EGFR: variants seen among roughly 807,000 people sequenced by gnomAD.
The protein encoded by EGFR is avian erythroblastic leukemia viral (v-erb-b) oncogene homolog.
Under a neutral mutation model 143.0 loss-of-function variants are expected in EGFR, and 58 were observed. The ratio of observed to expected loss-of-function variants is 0.41; its 90% CI spans 0.33 to 0.50. The LOEUF is 0.50. EGFR is among the 20% of genes least tolerant of loss of function. The probability of loss-of-function intolerance (pLI) is 0.39; values close to 1 mark genes in which losing one functional copy is unlikely to be tolerated. For missense variants in EGFR, 1,307 were observed against 1,579.0 expected, an observed-to-expected ratio of 0.83 and a Z score of 2.92; for synonymous variants, 613 against 594.4, an observed-to-expected ratio of 1.03 and a Z score of -0.45.
In EGFR at chr7:55,195,345, C is replaced by T. The variant is rs866686571; in HGVS notation, c.2701+2504C>T. 2.0e-5 allele frequency among the ~76,000 whole-genome samples: 3 copies of T among 152,156 alleles called. No homozygotes were observed. In the South Asian group the frequency reaches 6.2e-4, roughly 32 times the overall value. ...CTCTGTTACCCAGAGATGGGAGGGC[C>T]ATCAGAACTCGGGGTTGTCTGAAAA... On this transcript the variant is annotated intron_variant, in intron 22 of 27. Transcript: ENST00000275493.
intron 1 of EGFR, among the ~76,000 whole-genome samples, chr7:55,093,678 A>G (rs1791270082): frequency 6.6e-6 from 1 of 152,228 alleles, no homozygotes; most frequent in African/African-American, 2.4e-5. Context: ...TGAAAACTGC[A>G]CTTAGACTCA....
chr7:55,160,069 A>G, intron 11 of EGFR, 70 bp from the exon 12 acceptor site: 1 of 1,564,362 alleles, frequency 6.4e-7, no homozygotes, highest in Non-Finnish European at 8.8e-7. Context: ...TGGTCTGGAG[A>G]AACAAAGTTT....
chr7:55,181,192 C>A (rs1322083520), intron 19 of EGFR, 101 bp from the exon 20 acceptor site: 1 of 1,395,206 alleles, frequency 7.2e-7, no homozygotes, highest in Non-Finnish European at 1.0e-6. Context: ...TATTTTGAAA[C>A]TCAAGATCGC....
chr7:55,063,822 C>T (rs760633337), intron 1 of EGFR, among the ~76,000 whole-genome samples: 5 of 152,180 alleles, frequency 3.3e-5, no homozygotes, highest in South Asian at 2.1e-4. Context: ...GCTTGAGGAC[C>T]GTCCTGGAGG....
At position 55,171,816 on chromosome 7, in the gene EGFR, T is replaced by C. The variant is rs532320503; in HGVS notation, c.1919+603T>C. Among the ~76,000 whole-genome samples the C allele has an allele frequency of 5.3e-5, 8 of 152,292 alleles. No homozygotes were observed. The East Asian group carries it at 5.8e-4, about 11-fold the overall frequency. On this transcript the variant is annotated intron_variant, in intron 16 of 27. Transcript: ENST00000275493. Reference sequence around the variant, plus strand: ...TGGCGTCTAGCCAGGAATCATGGAATTATACACCGAGCACCTGTTTGCCAT... The same window carrying C: ...TGGCGTCTAGCCAGGAATCATGGAACTATACACCGAGCACCTGTTTGCCAT...
Position 55,167,097 on chromosome 7 carries a change from G to C in EGFR, c.1880+1660G>C, listed in dbSNP as rs1270635793. On this transcript the variant is annotated intron_variant, in intron 15 of 27. Transcript: ENST00000275493. ...TTGATGGTGGTGATGATGATGAGGAGGTGGGAGTCACAATGGTGTCAGTGT... is the reference window on the plus strand; with the variant it reads ...TTGATGGTGGTGATGATGATGAGGACGTGGGAGTCACAATGGTGTCAGTGT... 4.2e-4 allele frequency among the ~76,000 whole-genome samples: 59 copies of C among 140,564 alleles called. 5 individuals are homozygous for C. Among genetic ancestry groups the C allele is most frequent in the African/African-American group, 1.0e-3 (37 of 36,274 alleles). The allele number at this position is 140,564 out of a possible 152,430, so 92.2% of individuals were successfully genotyped here.
At position 55,113,791 on chromosome 7, in the gene EGFR, G is replaced by T. The variant is rs557817306; in HGVS notation, c.89-28495G>T. ...TGATAAGAAGCAGGGCTGTGTTTGGGCTCTGGGAGTTTTTGATATGGTTTC... is the reference window on the plus strand; with the variant it reads ...TGATAAGAAGCAGGGCTGTGTTTGGTCTCTGGGAGTTTTTGATATGGTTTC... On this transcript the variant is annotated intron_variant, in intron 1 of 27. Coordinates refer to ENST00000275493, the MANE Select transcript of EGFR (RefSeq NM_005228.5). Among the ~76,000 whole-genome samples, 4 of 152,284 alleles carry T rather than the reference G, an allele frequency of 2.6e-5. No homozygotes were observed. In the South Asian group the frequency reaches 8.3e-4, roughly 32 times the overall value.
chr7:55,052,216 G>A (rs967762949), intron 1 of EGFR, among the ~76,000 whole-genome samples: 3 of 152,200 alleles, frequency 2.0e-5, no homozygotes, highest in Admixed American at 6.5e-5. Context: ...GGAGACTCAT[G>A]TAAAAGGCAC....
intron 1 of EGFR, among the ~76,000 whole-genome samples, chr7:55,060,550 T>G (rs1235950511): frequency 6.6e-6 from 1 of 152,196 alleles, no homozygotes; most frequent in Non-Finnish European, 1.5e-5. Flanking sequence ...GAATCTAGAC[T>G]ATTTCATGAA....
intron 1 of EGFR, chr7:55,109,914 C>A: frequency 1.0e-6 from 1 of 985,474 alleles, no homozygotes; most frequent in Non-Finnish European, 1.2e-6. Context: ...GGGTTCCCTC[C>A]GGCAGGCGAC....
chr7:55,049,544 G>C (rs1788364274), intron 1 of EGFR, among the ~76,000 whole-genome samples: 1 of 152,052 alleles, frequency 6.6e-6, no homozygotes, highest in East Asian at 1.9e-4. Context: ...GACAGTTGGG[G>C]ATTAGGTGTT....
At chr7:55,043,614 T>G (rs895723365) in intron 1 of EGFR, among the ~76,000 whole-genome samples, 1 of 151,828 alleles carries the variant, frequency 6.6e-6, no homozygotes, top group Non-Finnish European at 1.5e-5. Flanking sequence ...CGCCCCCTTC[T>G]TGGCCTCCCA....
intron 22 of EGFR, among the ~76,000 whole-genome samples, chr7:55,193,220 C>T (rs1316252738): frequency 2.6e-5 from 4 of 152,082 alleles, no homozygotes; most frequent in African/African-American, 4.8e-5. Context: ...GGAATAGTTC[C>T]GGTAGAGAAA....
At chr7:55,043,510 C>A (rs1410770776) in intron 1 of EGFR, among the ~76,000 whole-genome samples, 2 of 152,074 alleles carry the variant, frequency 1.3e-5, no homozygotes, top group African/African-American at 4.8e-5. Flanking sequence ...TACAGGTGTG[C>A]ACCACTACAC....
At chr7:55,127,167 G>T (rs1793576059) in intron 1 of EGFR, among the ~76,000 whole-genome samples, 3 of 152,106 alleles carry the variant, frequency 2.0e-5, no homozygotes, top group Admixed American at 2.0e-4. Flanking sequence ...TTTGATGAGT[G>T]GCAGGGCTCT....
intron 1 of EGFR, among the ~76,000 whole-genome samples, chr7:55,136,831 G>A (rs1048610293): frequency 6.6e-6 from 1 of 152,192 alleles, no homozygotes; most frequent in Non-Finnish European, 1.5e-5. Context: ...AGTGGACTGT[G>A]TCACCAGCAT....
At chr7:55,202,995 C>G in intron 27 of EGFR, 1 of 512,532 alleles carries the variant, frequency 2.0e-6, no homozygotes, top group Non-Finnish European at 3.4e-6. Context: ...GTTCTCTCTG[C>G]TGGCTCTATC....
rs749186957 is a variant in EGFR at position 55,161,556 on chromosome 7, A to G, written c.1556A>G (p.Glu519Gly). 31 of 1,614,226 alleles carry G rather than the reference A, an allele frequency of 1.9e-5. No individual in the cohort carries two copies. The highest frequency in any genetic ancestry group is 2.5e-5 in the Non-Finnish European group (29 of 1,180,038). The stretch of plus-strand genomic sequence containing the variant: ...TCCCCCGAGGGCTGCTGGGGCCCGG[A>G]GCCCAGGGACTGCGTCTCTTGCCGG... ...LCSPEGCWGP[E>G]PRDCVSCRNV... Residue 519 changes from glutamate to glycine, a missense_variant, in exon 13 of 28, where the codon GAG becomes GGG. By Grantham distance (98) the Glu-to-Gly change is moderately conservative. Around this residue, in one of 7 missense-constraint regions of EGFR, gnomAD observed 250 missense variants for 295.1 expected, o/e 0.85. Coordinates refer to ENST00000275493, the MANE Select transcript of EGFR (RefSeq NM_005228.5).
intron 1 of EGFR, among the ~76,000 whole-genome samples, chr7:55,028,200 C>T (rs939902603): frequency 2.0e-5 from 3 of 151,838 alleles, no homozygotes; most frequent in Admixed American, 6.6e-5. Flanking sequence ...GCAGTCCTAT[C>T]GTTTTACTTA....
Sources: gnomAD v4.1 joint callset for allele counts (sites outside exome capture counted in the v4.1 genomes callset) on GRCh38, gnomAD v4.1.1 for gene constraint, gnomAD v4.1.1 regional missense constraint, MANE v1.5 for transcripts, NCBI Gene and HGNC (gene_info 2026-07-23, HGNC 2026-07-21) for gene names.